The following HINT2 variants were observed in gnomAD, a reference collection of about 807,000 sequenced individuals.
HINT2 encodes adenosine 5'-monophosphoramidase HINT2.
Under a neutral mutation model 20.0 loss-of-function variants are expected in HINT2, and 17 were observed. The ratio of observed to expected loss-of-function variants is 0.85; its 90% CI spans 0.58 to 1.27. The LOEUF (loss-of-function observed/expected upper bound fraction) is 1.27. Ranked by LOEUF, HINT2 falls within the 50% of genes most tolerant of loss-of-function variation. The pLI, the probability that HINT2 is intolerant of heterozygous loss-of-function variation, is 0.00. For synonymous variants in HINT2, 96 were observed against 84.2 expected (o/e 1.14, Z -0.77); for missense variants, 217 against 211.9 (o/e 1.02, Z -0.15).
Position 35,813,680 on chromosome 9 carries a change from C to T in HINT2, c.186G>A (p.Lys62=). ...APTIFSRILD[K]SLPADILYED... is the part of the protein sequence containing the mutation. ...CATAGAGAATGTCAGCTGGGAGGCT[C>T]TTGTCCAGGATCCGGGAGAAGATGG... Residue 62 remains lysine (K), a synonymous_variant, in exon 2 of 5, where the codon AAG becomes AAA. Coordinates refer to ENST00000259667, the MANE Select transcript of HINT2 (RefSeq NM_032593.3). The T allele has an allele frequency of 6.2e-7, 1 of 1,614,204 alleles. No homozygotes were observed. The highest frequency in any genetic ancestry group is 8.5e-7 in the Non-Finnish European group (1 of 1,180,042).
chr9:35,813,353 G>A lies in HINT2; in HGVS notation c.328-15C>T, dbSNP rs369531343. 4.7e-4 allele frequency: 754 copies of A among 1,612,738 alleles called. 12 individuals are homozygous for A. In the South Asian group the frequency reaches 7.8e-3, roughly 17 times the overall value. On this transcript the variant is annotated splice_polypyrimidine_tract_variant and intron_variant, in intron 3 of 4. Coordinates refer to ENST00000259667, the MANE Select transcript of HINT2 (RefSeq NM_032593.3). Reference sequence around the variant, plus strand: ...TGTCCTAGAAGCTATAGAGAGAGCGGAGGGACATAGGTGGCTTCATTCATA... The same window carrying A: ...TGTCCTAGAAGCTATAGAGAGAGCGAAGGGACATAGGTGGCTTCATTCATA...
In HINT2 at chr9:35,813,427, T is replaced by C. The variant is rs971203328; in HGVS notation, c.327+18A>G. 5 of 1,613,666 alleles carry C rather than the reference T, an allele frequency of 3.1e-6. No individual in the cohort carries two copies. The African/African-American group carries it at 6.7e-5, about 22-fold the overall frequency. ...CCAGGGGCTCCTCCCAGCCAAACCC[T>C]GGCCCTGTTCTTCCCACCTGCTGGT... On this transcript the variant is annotated intron_variant, in intron 3 of 4. Coordinates refer to ENST00000259667, the MANE Select transcript of HINT2 (RefSeq NM_032593.3).
At position 35,813,745 on chromosome 9, in the gene HINT2, C is replaced by A. The variant is rs771441217; in HGVS notation, c.121G>T (p.Ala41Ser). The change falls in exon 2 of 5, where the codon GCC (alanine) becomes TCC (serine). Residue 41 changes from alanine to serine, a missense_variant. Ala to Ser is a moderately conservative substitution (Grantham distance 99). Transcript: ENST00000259667. ...AAGVTDGNEV[A>S]KAQQATPGGA... ...CCAGGAGTTGCCTGCTGGGCCTTGGCCACTTCATTCCCATCAGTCACACCT... is the reference window on the plus strand; with the variant it reads ...CCAGGAGTTGCCTGCTGGGCCTTGGACACTTCATTCCCATCAGTCACACCT... The A allele has an allele frequency of 6.2e-7, 1 of 1,613,828 alleles. No individual in the cohort carries two copies. Among genetic ancestry groups the A allele is most frequent in the Non-Finnish European group, 8.5e-7 (1 of 1,179,844 alleles).
rs1369549890 is a variant in HINT2, at chr9:35,812,991, G to C, written c.*63C>G. 2 of 1,208,738 alleles carry C rather than the reference G, an allele frequency of 1.7e-6. No homozygotes were observed. The highest frequency in any genetic ancestry group is 3.4e-5 in the Admixed American group (2 of 59,428). The allele number at this position is 1,208,738 out of a possible 1,614,324, so 74.9% of individuals were successfully genotyped here. On this transcript the variant is annotated 3_prime_UTR_variant, in exon 5 of 5. Transcript: ENST00000259667. Reference sequence around the variant, plus strand: ...GAGAACAGTTTTATTAGCATCACAGGGTCCATTTTTCCCTTTCCATCCAAG... The same window carrying C: ...GAGAACAGTTTTATTAGCATCACAGCGTCCATTTTTCCCTTTCCATCCAAG...
chr9:35,815,238 T>G, upstream of HINT2: 1 of 424,278 alleles, frequency 2.4e-6, no homozygotes, highest in Non-Finnish European at 4.2e-6. Context: ...CTAGTCCGTG[T>G]GAACGTTCTT....
chr9:35,814,761 G>T, intron 1 of HINT2, 138 bp downstream of exon 1: 2 of 720,002 alleles, frequency 2.8e-6, no homozygotes, highest in Non-Finnish European at 4.2e-6. Context: ...TCACCACACA[G>T]CCCCGGAGCT....
intron 1 of HINT2, 127 bp from the exon 2 acceptor site, chr9:35,813,911 A>G: frequency 1.9e-6 from 2 of 1,058,988 alleles, no homozygotes; most frequent in Middle Eastern, 3.1e-4. Flanking sequence ...TGAATTTCAG[A>G]GCACCAGCAG....
upstream of HINT2, chr9:35,815,169 A>C: frequency 2.0e-6 from 1 of 494,626 alleles, no homozygotes; most frequent in Non-Finnish European, 3.5e-6. Context: ...GGCTCTTTTC[A>C]TCTCATTGGC....
At position 35,813,715 on chromosome 9, in the gene HINT2, C is replaced by T. The variant is rs770467624; in HGVS notation, c.151G>A (p.Ala51Thr). The change falls in exon 2 of 5, where the codon GCA (alanine) becomes ACA (threonine). Residue 51 changes from alanine (A) to threonine (T), a missense_variant. Ala to Thr is a moderately conservative substitution (Grantham distance 58, BLOSUM62 0). Transcript: ENST00000259667. ...AKAQQATPGG[A>T]APTIFSRILD... is the part of the protein sequence containing the mutation. ...ATCCGGGAGAAGATGGTTGGGGCTG[C>T]TCCCCCAGGAGTTGCCTGCTGGGCC... is the stretch of plus-strand genomic sequence containing the variant. 1 of 1,614,176 alleles carries T rather than the reference C, an allele frequency of 6.2e-7. No homozygotes were observed. The highest frequency in any genetic ancestry group is 8.5e-7 in the Non-Finnish European group (1 of 1,180,012).
At chr9:35,814,629 G>A (rs939908406) in intron 1 of HINT2, 13 of 442,922 alleles carry the variant, frequency 2.9e-5, no homozygotes, top group African/African-American at 2.5e-4. Context: ...CGGGCCAGCT[G>A]GGCTGCAGGC....
intron 1 of HINT2, 134 bp downstream of exon 1, chr9:35,814,765 C>T (rs1293677582): frequency 1.1e-5 from 8 of 744,178 alleles, no homozygotes; most frequent in Non-Finnish European, 1.4e-5. Context: ...CACACAGCCC[C>T]GGAGCTTGTG....
intron 1 of HINT2, 24 bp from the exon 2 acceptor site, chr9:35,813,808 AAAG>A: frequency 6.3e-7 from 1 of 1,597,562 alleles, no homozygotes; most frequent in Non-Finnish European, 8.6e-7. Context: ...GACCATATTC[AAAG>A]GAGGGAGCTG....
At chr9:35,815,328 G>T, upstream of HINT2, 1 of 219,384 alleles carries the variant, frequency 4.6e-6, no homozygotes, top group Non-Finnish European at 9.0e-6. Flanking sequence ...CCTGGAGGTG[G>T]GATTTTCTCC....
At chr9:35,814,605 C>T (rs747696589) in intron 1 of HINT2, 192 of 394,200 alleles carry the variant, frequency 4.9e-4, no homozygotes, top group Middle Eastern at 4.6e-3. Flanking sequence ...AAGCTCATTT[C>T]CTGCAGGGGG....
chr9:35,814,042 A>G (rs899665452), intron 1 of HINT2: 1 of 435,666 alleles, frequency 2.3e-6, no homozygotes, highest in African/African-American at 2.0e-5. Context: ...GTTTAGGGAA[A>G]GGATCTAGAA....
chr9:35,815,089 C>T (rs1023613529), upstream of HINT2: 3 of 1,004,140 alleles, frequency 3.0e-6, no homozygotes, highest in Non-Finnish European at 4.0e-6. Context: ...CCGGGCGAGC[C>T]CTGCTACCCC....
upstream of HINT2, chr9:35,815,285 G>A: frequency 3.1e-6 from 1 of 327,862 alleles, no homozygotes; most frequent in Non-Finnish European, 5.6e-6. Flanking sequence ...CTCTGTGAGA[G>A]AAACTTCCAC....
intron 1 of HINT2, chr9:35,814,588 G>A (rs1036919942): frequency 1.4e-5 from 5 of 362,458 alleles, no homozygotes; most frequent in African/African-American, 4.3e-5. Flanking sequence ...CTGGCTCCAA[G>A]AAGAGAAAGC....
chr9:35,814,913 C>A lies in HINT2; in HGVS notation c.67G>T (p.Val23Leu). Residue 23 changes from valine (V) to leucine (L), a missense_variant, in exon 1 of 5, where the codon GTG becomes TTG. Coordinates refer to ENST00000259667, the MANE Select transcript of HINT2 (RefSeq NM_032593.3). ...CCACTTCTCACCTGCCCCCCGCGCA[C>A]CCCCGTGGCCGCCACGGCTCTGCGC... ...AARRAVAATG[V>L]RGGQVRGAAG... The A allele has an allele frequency of 6.7e-7, 1 of 1,486,950 alleles. No individual in the cohort carries two copies. The highest frequency in any genetic ancestry group is 1.3e-5 in the South Asian group (1 of 79,068). The allele number at this position is 1,486,950 out of a possible 1,614,324, so 92.1% of individuals were successfully genotyped here. A position where few individuals can be genotyped will look rare whatever the true frequency, so the allele number is the denominator to read the frequency against.
Sources: gnomAD v4.1 joint callset for allele counts on GRCh38, gnomAD v4.1.1 for gene constraint, MANE v1.5 for transcripts, NCBI Gene and HGNC (gene_info 2026-07-23, HGNC 2026-07-21) for gene names.